PDZD2: variants seen among roughly 807,000 people sequenced by gnomAD.
PDZD2 encodes the protein PDZ domain containing 2.
A neutral mutation model predicts 220.7 loss-of-function variants in PDZD2; 90 were observed. The ratio of observed to expected loss-of-function variants is 0.41; its 90% CI spans 0.34 to 0.49. The LOEUF is 0.49. Among genes scored for constraint, PDZD2 ranks in the 20% least tolerant of loss-of-function variants. PDZD2 has a pLI of 0.28. For synonymous variants in PDZD2, 1,375 were observed against 1,450.5 expected, an observed-to-expected ratio of 0.95 and a Z score of 1.18; for missense variants, 3,174 against 3,608.5, an observed-to-expected ratio of 0.88 and a Z score of 3.08.
At chr5:31,694,633 G>A (rs1021758551) in intron 1 of PDZD2, among the ~76,000 whole-genome samples, 20 of 152,120 alleles carry the variant, frequency 1.3e-4, no homozygotes, top group Non-Finnish European at 2.8e-4. Flanking sequence ...GAGGAAATGG[G>A]ACTGGGCACT....
intron 1 of PDZD2, among the ~76,000 whole-genome samples, chr5:31,705,751 G>A (rs977661887): frequency 2.0e-5 from 3 of 152,184 alleles, no homozygotes; most frequent in African/African-American, 7.2e-5. Flanking sequence ...TAGGAAGAAT[G>A]TAAACTCTAT....
intron 2 of PDZD2, among the ~76,000 whole-genome samples, chr5:31,858,045 C>T (rs1758613044): frequency 6.6e-6 from 1 of 152,098 alleles, no homozygotes; most frequent in Admixed American, 6.5e-5. Context: ...AGGCTGGTCT[C>T]GAACTCCTGA....
chr5:32,010,340 C>A lies in PDZD2; in HGVS notation c.1265C>A (p.Ala422Glu). 1 of 1,602,402 alleles carries A rather than the reference C, an allele frequency of 6.2e-7. No individual in the cohort carries two copies. Among genetic ancestry groups the A allele is most frequent in the Non-Finnish European group, 8.5e-7 (1 of 1,170,900 alleles). Residue 422 changes from alanine to glutamate, a missense_variant, in exon 6 of 25, where the codon GCA becomes GAA. Ala to Glu is a moderately radical substitution (Grantham distance 107). Coordinates refer to ENST00000438447, the MANE Select transcript of PDZD2 (RefSeq NM_178140.4). Reference sequence around the variant, plus strand: ...ATTGTGTCCCCATAGGAAAACTCCGCAGAGGACCTCCTCAGGTTAACATCT... The same window carrying A: ...ATTGTGTCCCCATAGGAAAACTCCGAAGAGGACCTCCTCAGGTTAACATCT... ...QLVVASKENSAEDLLRLTSKS... is the reference protein window; with the variant it reads ...QLVVASKENSEEDLLRLTSKS...
At position 32,011,020 on chromosome 5, in the gene PDZD2, A is replaced by C. The variant is rs550384078; in HGVS notation, c.1407+538A>C. The stretch of plus-strand genomic sequence containing the variant: ...TCCAAAAACCTCTCAAAAAAAAAAA[A>C]AACAACAACAACAACAACAACTGGA... On this transcript the variant is annotated intron_variant, in intron 6 of 24. Transcript: ENST00000438447. Among the ~76,000 whole-genome samples, 565 of 143,080 alleles carry C rather than the reference A, an allele frequency of 3.9e-3. 9 individuals are homozygous for C. Among genetic ancestry groups the C allele is most frequent in the African/African-American group, 0.012 (468 of 38,422 alleles). 93.9% of individuals were successfully genotyped at this position (143,080 alleles called of 152,430 possible).
rs147511046 is a variant in PDZD2 at position 31,911,809 on chromosome 5, T to C, written c.477-71346T>C. Among the ~76,000 whole-genome samples the C allele has an allele frequency of 2.3e-3, 353 of 152,332 alleles. 12 individuals carry two copies. The East Asian group carries it at 0.064, about 28-fold the overall frequency. ...GAGCTGAGGGGATGAATGCCAGGACTGCGCTTCTCTTCTGCCATGCTCCTC... is the reference window on the plus strand; with the variant it reads ...GAGCTGAGGGGATGAATGCCAGGACCGCGCTTCTCTTCTGCCATGCTCCTC... On this transcript the variant is annotated intron_variant, in intron 2 of 24. Coordinates refer to ENST00000438447, the MANE Select transcript of PDZD2 (RefSeq NM_178140.4).
Position 31,995,782 on chromosome 5 carries a change from A to G in PDZD2, c.1121+64A>G, listed in dbSNP as rs915405111. ...CTCCTCTCCTTCCCTCTCCCTCCCC[A>G]CTGGTGCAGGTGCTCTTCCACTTGT... On this transcript the variant is annotated intron_variant, in intron 4 of 24. Coordinates refer to ENST00000438447, the MANE Select transcript of PDZD2 (RefSeq NM_178140.4). The G allele has an allele frequency of 3.5e-6, 5 of 1,431,956 alleles. No homozygotes were observed. The African/African-American group carries it at 4.2e-5, about 12-fold the overall frequency. 88.7% of individuals were successfully genotyped at this position (1,431,956 alleles called of 1,614,324 possible). A position where few individuals can be genotyped will look rare whatever the true frequency, so the allele number is the denominator to read the frequency against.
At chr5:31,692,180 C>T (rs112767639) in intron 1 of PDZD2, among the ~76,000 whole-genome samples, 25,541 of 152,220 alleles carry the variant, frequency 0.17, 2,303 homozygotes, top group African/African-American at 0.23. Context: ...TAAGGCCCGG[C>T]GAGAAATTGA....
intron 2 of PDZD2, among the ~76,000 whole-genome samples, chr5:31,973,391 A>G (rs984396453): frequency 1.3e-5 from 2 of 152,184 alleles, no homozygotes; most frequent in African/African-American, 4.8e-5. Context: ...TTTTTCATTG[A>G]TCATATCATT....
chr5:31,959,929 C>A (rs943047891), intron 2 of PDZD2, among the ~76,000 whole-genome samples: 1 of 152,096 alleles, frequency 6.6e-6, no homozygotes, highest in Non-Finnish European at 1.5e-5. Flanking sequence ...GGCTGGTAGA[C>A]ACATCCCTCA....
intron 1 of PDZD2, among the ~76,000 whole-genome samples, chr5:31,762,882 T>C (rs1751739579): frequency 6.6e-6 from 1 of 152,180 alleles, no homozygotes; most frequent in African/African-American, 2.4e-5. Flanking sequence ...TGCCTTCCGC[T>C]GTTTCAACTT....
chr5:31,906,932 A>G (rs1015374127), intron 2 of PDZD2, among the ~76,000 whole-genome samples: 5 of 152,248 alleles, frequency 3.3e-5, no homozygotes, highest in East Asian at 3.8e-4. Context: ...CTCATATCCA[A>G]TAAGAATTAG....
chr5:31,956,505 C>A (rs1459708886), intron 2 of PDZD2, among the ~76,000 whole-genome samples: 2 of 148,146 alleles, frequency 1.4e-5, no homozygotes, highest in Admixed American at 6.7e-5. Context: ...CGAGATCTCA[C>A]CACTGCACTC....
chr5:31,956,495 C>T (rs549356431), intron 2 of PDZD2, among the ~76,000 whole-genome samples: 62 of 144,174 alleles, frequency 4.3e-4, no homozygotes, highest in Admixed American at 5.6e-4. Context: ...TGCAGCGAGC[C>T]GAGATCTCAC....
intron 7 of PDZD2, among the ~76,000 whole-genome samples, chr5:32,043,902 C>T (rs527774723): frequency 1.3e-5 from 2 of 152,180 alleles, no homozygotes; most frequent in South Asian, 4.2e-4. Context: ...GCTGGGATAT[C>T]AGATGTGAGC....
intron 2 of PDZD2, among the ~76,000 whole-genome samples, chr5:31,932,855 A>G (rs1745412354): frequency 1.3e-5 from 2 of 151,128 alleles, no homozygotes; most frequent in Admixed American, 1.3e-4. Flanking sequence ...GATTAAAATC[A>G]TATAGGGTTT....
intron 2 of PDZD2, among the ~76,000 whole-genome samples, chr5:31,938,292 G>A (rs1385131441): frequency 1.3e-5 from 2 of 152,204 alleles, no homozygotes; most frequent in Non-Finnish European, 2.9e-5. Context: ...TAAGCCCTCA[G>A]CAATTTGAAT....
intron 1 of PDZD2, among the ~76,000 whole-genome samples, chr5:31,778,019 C>T (rs1292112522): frequency 2.7e-5 from 4 of 149,714 alleles, no homozygotes; most frequent in South Asian, 2.1e-4. Context: ...GTGTCTAGCT[C>T]GGGGATTGTA....
intron 2 of PDZD2, among the ~76,000 whole-genome samples, chr5:31,919,383 C>G (rs1220799050): frequency 3.4e-5 from 5 of 148,292 alleles, no homozygotes; most frequent in African/African-American, 7.5e-5. Context: ...GAGACGGAGT[C>G]TCGCCTAGGC....
chr5:31,726,005 A>T, intron 1 of PDZD2: 1 of 452,488 alleles, frequency 2.2e-6, no homozygotes, highest in East Asian at 4.1e-5. Context: ...TTCCCTGCAG[A>T]TGCATAATGG....
Sources: allele counts gnomAD v4.1 joint callset (sites outside exome capture counted in the v4.1 genomes callset), GRCh38; gene constraint gnomAD v4.1.1; transcripts MANE v1.5; gene names NCBI Gene and HGNC (gene_info 2026-07-23, HGNC 2026-07-21).